TMEM132E: variants seen among roughly 807,000 people sequenced by gnomAD.
TMEM132E encodes transmembrane protein 132E.
TMEM132E carries 49 observed loss-of-function variants against 78.5 expected under a neutral mutation model. That is an observed-to-expected ratio of 0.62 (90% CI 0.50 to 0.79). The LOEUF (loss-of-function observed/expected upper bound fraction) is 0.79, where lower values mean the gene tolerates loss of function less well. TMEM132E is among the 30% of genes least tolerant of loss of function. The pLI, the probability that TMEM132E is intolerant of heterozygous loss-of-function variation, is 0.00. For missense variants in TMEM132E, 1,403 were observed against 1,470.9 expected, an observed-to-expected ratio of 0.95 and a Z score of 0.75; for synonymous variants, 715 against 670.6, an observed-to-expected ratio of 1.07 and a Z score of -1.02.
At chr17:34,611,294 G>A (rs1394441009) in intron 1 of TMEM132E, among the ~76,000 whole-genome samples, 1 of 152,246 alleles carries the variant, frequency 6.6e-6, no homozygotes, top group Non-Finnish European at 1.5e-5. Flanking sequence ...TTGTGGAAAA[G>A]TTGGATTGGG....
intron 1 of TMEM132E, among the ~76,000 whole-genome samples, chr17:34,586,898 C>G (rs1014121067): frequency 2.6e-5 from 4 of 152,148 alleles, no homozygotes; most frequent in African/African-American, 9.7e-5. Context: ...AAAAGTTCTG[C>G]TTTTTATCAA....
intron 1 of TMEM132E, among the ~76,000 whole-genome samples, chr17:34,607,685 G>A (rs546251817): frequency 6.6e-6 from 1 of 152,266 alleles, no homozygotes; most frequent in African/African-American, 2.4e-5. Flanking sequence ...CGGCTACGAC[G>A]GGGATTCCCA....
intron 6 of TMEM132E, 101 bp downstream of exon 6, chr17:34,633,010 C>T (rs566668356): frequency 6.5e-4 from 862 of 1,321,826 alleles, no homozygotes; most frequent in Non-Finnish European, 8.5e-4. Flanking sequence ...CCTTGGTATA[C>T]ATAGTCTGTA....
chr17:34,619,031 G>A (rs898721767), intron 1 of TMEM132E, among the ~76,000 whole-genome samples: 10 of 152,144 alleles, frequency 6.6e-5, no homozygotes, highest in East Asian at 3.9e-4. Flanking sequence ...GGGCCAGTCC[G>A]TCCTACTCCC....
intron 5 of TMEM132E, among the ~76,000 whole-genome samples, chr17:34,631,496 T>C (rs1307655624): frequency 6.6e-6 from 1 of 152,196 alleles, no homozygotes; most frequent in Non-Finnish European, 1.5e-5. Flanking sequence ...TAAATGAAAT[T>C]GGTTACAAAT....
intron 1 of TMEM132E, among the ~76,000 whole-genome samples, chr17:34,590,922 G>A (rs1905846848): frequency 6.6e-6 from 1 of 152,068 alleles, no homozygotes; most frequent in African/African-American, 2.4e-5. Context: ...TGGGGGCCTT[G>A]GGATGGGAAA....
chr17:34,637,834 C>T lies in TMEM132E; in HGVS notation c.2827C>T (p.Pro943Ser). 1 of 1,610,656 alleles carries T rather than the reference C, an allele frequency of 6.2e-7. No individual in the cohort carries two copies. ...HHWVFLGNGQ[P>S]LRVQGELSPP... ...CTGGGTGTTCCTGGGCAACGGGCAG[C>T]CGCTGCGGGTGCAAGGAGAGCTGTC... Residue 943 changes from proline to serine, a missense_variant, in exon 9 of 9, where the codon CCG (proline) becomes TCG (serine). Pro to Ser is a moderately conservative substitution (Grantham distance 74, BLOSUM62 -1). Around this residue, in one of 3 missense-constraint regions of TMEM132E, gnomAD observed 888 missense variants for 952.8 expected, o/e 0.93. Transcript: ENST00000631683.
intron 5 of TMEM132E, 116 bp from the exon 6 acceptor site, chr17:34,632,588 C>G: frequency 9.7e-7 from 1 of 1,025,836 alleles, no homozygotes; most frequent in Non-Finnish European, 1.5e-6. Flanking sequence ...TGGCCTCCTC[C>G]CCTTCAGCCT....
Position 34,638,168 on chromosome 17 carries a change from C to G in TMEM132E, c.3161C>G (p.Pro1054Arg), listed in dbSNP as rs964898923. ...TGGGGCTGCCCGGATGTGGCGGGCC[C>G]CACGCGGCCCACTGCACCCCCGGAC... is the stretch of plus-strand genomic sequence containing the variant. ...LGWGCPDVAG[P>R]TRPTAPPDLH... is the part of the protein sequence containing the mutation. Residue 1054 changes from proline (P) to arginine (R), a missense_variant, in exon 9 of 9, where the codon CCC (proline) becomes CGC (arginine). Coordinates refer to ENST00000631683, the MANE Select transcript of TMEM132E (RefSeq NM_001304438.2). 6.2e-7 allele frequency: 1 copy of G among 1,605,182 alleles called. No homozygotes were observed. Among genetic ancestry groups the G allele is most frequent in the African/African-American group, 1.3e-5 (1 of 74,936 alleles).
rs779575270 is a variant in TMEM132E, at chr17:34,634,826, TGAG to T, written c.1729_1731del (p.Glu577del). On this transcript the variant is annotated inframe_deletion, in exon 7 of 9. Coordinates refer to ENST00000631683, the MANE Select transcript of TMEM132E (RefSeq NM_001304438.2). ...CAGTCCGGGAAAGCGAGGATGAGGA[TGAG>T]GAGGAGGAGGAGCGGCGGCAGAGTG... The T allele has an allele frequency of 9.9e-6, 16 of 1,613,212 alleles. No individual in the cohort carries two copies. Among genetic ancestry groups the T allele is most frequent in the African/African-American group, 8.0e-5 (6 of 74,786 alleles).
rs1471302914 is a variant in TMEM132E, at chr17:34,638,380, G to T, written c.*148G>T. The stretch of plus-strand genomic sequence containing the variant: ...TGCAGCTTGGCTCCGTGCGGAGCGG[G>T]CCGCCTCAGTGTCTGGGCCTTCCCT... On this transcript the variant is annotated 3_prime_UTR_variant, in exon 9 of 9. Coordinates refer to ENST00000631683, the MANE Select transcript of TMEM132E (RefSeq NM_001304438.2). The T allele has an allele frequency of 1.1e-6, 1 of 880,652 alleles. No homozygotes were observed. The highest frequency in any genetic ancestry group is 1.7e-5 in the African/African-American group (1 of 58,434). 54.6% of individuals were successfully genotyped at this position (880,652 alleles called of 1,614,324 possible).
chr17:34,638,096 C>T lies in TMEM132E; in HGVS notation c.3089C>T (p.Ser1030Leu), dbSNP rs773697522. Residue 1030 changes from serine (S) to leucine (L), a missense_variant, in exon 9 of 9, where the codon TCG becomes TTG. By Grantham distance (145) the Ser-to-Leu change is moderately radical. Around this residue, in one of 3 missense-constraint regions of TMEM132E, gnomAD observed 888 missense variants for 952.8 expected, o/e 0.93. Coordinates refer to ENST00000631683, the MANE Select transcript of TMEM132E (RefSeq NM_001304438.2). ...CCGTCAGAGGAGCTGGCCTATGACT[C>T]GGTGCCCGCGGGCGAAGAGGACGAG... ...TLPSEELAYD[S>L]VPAGEEDEEE... 1.9e-6 allele frequency: 3 copies of T among 1,595,864 alleles called. No individual in the cohort carries two copies. Among genetic ancestry groups the T allele is most frequent in the Non-Finnish European group, 2.6e-6 (3 of 1,171,464 alleles).
At chr17:34,609,899 C>T (rs746122556) in intron 1 of TMEM132E, among the ~76,000 whole-genome samples, 27 of 152,116 alleles carry the variant, frequency 1.8e-4, no homozygotes, top group Non-Finnish European at 2.4e-4. Flanking sequence ...GTTAACCTGC[C>T]GGTCCAGCCC....
intron 1 of TMEM132E, among the ~76,000 whole-genome samples, chr17:34,615,236 G>A (rs993904546): frequency 1.3e-5 from 2 of 150,164 alleles, no homozygotes; most frequent in Non-Finnish European, 3.0e-5. Flanking sequence ...TAGTACCCTC[G>A]TCCTCCTTCA....
chr17:34,609,893 A>T (rs918169473), intron 1 of TMEM132E, among the ~76,000 whole-genome samples: 1 of 151,848 alleles, frequency 6.6e-6, no homozygotes, highest in Non-Finnish European at 1.5e-5. Context: ...CTTGGTGTTA[A>T]CCTGCCGGTC....
Position 34,636,205 on chromosome 17 carries a change from G to A in TMEM132E, c.2169+7G>A. 1 of 1,475,044 alleles carries A rather than the reference G, an allele frequency of 6.8e-7. No homozygotes were observed. Among genetic ancestry groups the A allele is most frequent in the South Asian group, 1.4e-5 (1 of 71,284 alleles). 91.4% of individuals were successfully genotyped at this position (1,475,044 alleles called of 1,614,324 possible). A position where few individuals can be genotyped will look rare whatever the true frequency, so the allele number is the denominator to read the frequency against. Reference sequence around the variant, plus strand: ...CTTGAGCTTCCTCAAGCAGGTAACTGGCTCCTTGGCCCACCAGCCAGGGAG... The same window carrying A: ...CTTGAGCTTCCTCAAGCAGGTAACTAGCTCCTTGGCCCACCAGCCAGGGAG... On this transcript the variant is annotated splice_region_variant and intron_variant, in intron 8 of 8. Coordinates refer to ENST00000631683, the MANE Select transcript of TMEM132E (RefSeq NM_001304438.2).
chr17:34,634,909 A>G lies in TMEM132E; in HGVS notation c.1799A>G (p.Gln600Arg), dbSNP rs765886922. 1.9e-6 allele frequency: 3 copies of G among 1,614,184 alleles called. No homozygotes were observed. The highest frequency in any genetic ancestry group is 3.3e-5 in the Admixed American group (2 of 60,028). The change falls in exon 7 of 9, where the codon CAG becomes CGG. Residue 600 changes from glutamine (Q) to arginine (R), a missense_variant. Around this residue, in one of 3 missense-constraint regions of TMEM132E, gnomAD observed 888 missense variants for 952.8 expected, o/e 0.93. Coordinates refer to ENST00000631683, the MANE Select transcript of TMEM132E (RefSeq NM_001304438.2). ...CATGCCACCCTGCAGGTCTTCACCC[A>G]GTTCCACACGACATCATCCGAGGGC... ...YQHATLQVFT[Q>R]FHTTSSEGTD... is the part of the protein sequence containing the mutation.
Position 34,636,126 on chromosome 17 carries a change from G to A in TMEM132E, c.2097G>A (p.Arg699=). 6.3e-7 allele frequency: 1 copy of A among 1,591,876 alleles called. No homozygotes were observed. The highest frequency in any genetic ancestry group is 8.5e-7 in the Non-Finnish European group (1 of 1,170,184). The stretch of plus-strand genomic sequence containing the variant: ...TGGCCAGCCTGGCCCTCTCCCTGCG[G>A]CCCAGCCCTGGGAGCAGCCACACCA... ...QVVASLALSL[R]PSPGSSHTIL... Residue 699 remains arginine, a synonymous_variant, in exon 8 of 9, where the codon CGG becomes CGA. Transcript: ENST00000631683.
chr17:34,624,633 G>A lies in TMEM132E; in HGVS notation c.68-1494G>A, dbSNP rs531921319. On this transcript the variant is annotated intron_variant, in intron 1 of 8. Transcript: ENST00000631683. ...AAGGAGGGGAGATAAGGCAGCAGCCGTGAGTGTGAAGGTGAGTGAGTTGTC... is the reference window on the plus strand; with the variant it reads ...AAGGAGGGGAGATAAGGCAGCAGCCATGAGTGTGAAGGTGAGTGAGTTGTC... Among the ~76,000 whole-genome samples, 11 of 152,290 alleles carry A rather than the reference G, an allele frequency of 7.2e-5. No homozygotes were observed. The East Asian group carries it at 1.4e-3, about 19-fold the overall frequency.
Sources: gnomAD v4.1 joint callset for allele counts (sites outside exome capture counted in the v4.1 genomes callset) on GRCh38, gnomAD v4.1.1 for gene constraint, gnomAD v4.1.1 regional missense constraint, MANE v1.5 for transcripts, NCBI Gene and HGNC (gene_info 2026-07-23, HGNC 2026-07-21) for gene names.